Variants in CNTNAP2 observed in about 807,000 individuals in gnomAD.
CNTNAP2 encodes contactin-associated protein-like 2.
CNTNAP2 carries 98 observed loss-of-function variants against 155.2 expected under a neutral mutation model. That is an observed-to-expected ratio of 0.63 (90% CI 0.54 to 0.75). CNTNAP2 has a LOEUF of 0.75. CNTNAP2 is among the 30% of genes least tolerant of loss of function. CNTNAP2 has a pLI of 0.00. For missense variants in CNTNAP2, 1,727 were observed against 1,688.1 expected (o/e 1.02, Z -0.40); for synonymous variants, 651 against 631.2 (o/e 1.03, Z -0.47).
chr7:147,117,919 A>C (rs1037256368), intron 5 of CNTNAP2, among the ~76,000 whole-genome samples: 3 of 152,138 alleles, frequency 2.0e-5, no homozygotes, highest in African/African-American at 7.2e-5. Flanking sequence ...TACATAAAAT[A>C]TTATTTTTTA....
intron 5 of CNTNAP2, among the ~76,000 whole-genome samples, chr7:147,115,968 A>G (rs1390727): frequency 0.51 from 77,438 of 151,908 alleles, 20,643 homozygotes; most frequent in East Asian, 0.66. Context: ...CAATGTTTGA[A>G]GTTGCTGATT....
At chr7:147,007,118 G>A (rs894106684) in intron 3 of CNTNAP2, among the ~76,000 whole-genome samples, 1 of 151,992 alleles carries the variant, frequency 6.6e-6, no homozygotes, top group Non-Finnish European at 1.5e-5. Context: ...CCCACTCATG[G>A]GTGTGTTTTT....
intron 13 of CNTNAP2, among the ~76,000 whole-genome samples, chr7:147,760,633 C>G (rs574325449): frequency 6.6e-6 from 1 of 152,290 alleles, no homozygotes; most frequent in South Asian, 2.1e-4. Flanking sequence ...CCTTCTGCTC[C>G]TTAGAATGAC....
intron 15 of CNTNAP2, among the ~76,000 whole-genome samples, chr7:148,023,920 T>C (rs1488610772): frequency 6.6e-6 from 1 of 152,076 alleles, no homozygotes; most frequent in Non-Finnish European, 1.5e-5. Context: ...GCATTTGTGG[T>C]GAAGAAGGGA....
intron 1 of CNTNAP2, among the ~76,000 whole-genome samples, chr7:146,629,702 A>G (rs1003662642): frequency 6.6e-6 from 1 of 152,148 alleles, no homozygotes; most frequent in East Asian, 1.9e-4. Context: ...TTTAAAAAAC[A>G]ATTTTCTTCT....
chr7:146,610,928 A>T (rs757969264), intron 1 of CNTNAP2, among the ~76,000 whole-genome samples: 29 of 152,334 alleles, frequency 1.9e-4, no homozygotes, highest in Non-Finnish European at 3.5e-4. Context: ...AGAAGAAAGT[A>T]TATGAATGCA....
intron 13 of CNTNAP2, among the ~76,000 whole-genome samples, chr7:147,837,337 C>T (rs556416011): frequency 5.9e-5 from 9 of 152,214 alleles, no homozygotes; most frequent in Non-Finnish European, 1.2e-4. Context: ...TATCATGAGA[C>T]TAGCACAGGA....
chr7:147,034,722 G>C (rs1799114305), intron 3 of CNTNAP2, among the ~76,000 whole-genome samples: 1 of 152,068 alleles, frequency 6.6e-6, no homozygotes, highest in African/African-American at 2.4e-5. Context: ...GGAGTGGGAA[G>C]CTGGTCCTCC....
At chr7:147,366,027 A>G (rs953953967) in intron 9 of CNTNAP2, among the ~76,000 whole-genome samples, 7 of 152,166 alleles carry the variant, frequency 4.6e-5, no homozygotes, top group Admixed American at 1.3e-4. Context: ...TTTGAAGTCT[A>G]TGGTGAAGGT....
At chr7:146,256,797 A>G (rs530240691) in intron 1 of CNTNAP2, among the ~76,000 whole-genome samples, 1 of 152,154 alleles carries the variant, frequency 6.6e-6, no homozygotes, top group Non-Finnish European at 1.5e-5. Flanking sequence ...GGAAAAAAAA[A>G]CATGAGATTT....
intron 1 of CNTNAP2, among the ~76,000 whole-genome samples, chr7:146,604,049 C>T (rs1336876029): frequency 7.7e-5 from 8 of 103,564 alleles, no homozygotes; most frequent in Admixed American, 7.6e-4. Flanking sequence ...AAAGCAATGG[C>T]AACAAAAGCC....
At chr7:148,286,000 C>T (rs1330413145) in intron 21 of CNTNAP2, among the ~76,000 whole-genome samples, 1 of 151,922 alleles carries the variant, frequency 6.6e-6, no homozygotes, top group East Asian at 1.9e-4. Flanking sequence ...ATAAATTAAG[C>T]TAGAGAAAAG....
chr7:148,035,970 C>T (rs545539219), intron 15 of CNTNAP2, among the ~76,000 whole-genome samples: 33 of 152,314 alleles, frequency 2.2e-4, no homozygotes, highest in Non-Finnish European at 3.8e-4. Context: ...TTGGACTTAC[C>T]TGAGACCAGC....
At chr7:147,266,816 A>G (rs903937176) in intron 8 of CNTNAP2, among the ~76,000 whole-genome samples, 8 of 152,232 alleles carry the variant, frequency 5.3e-5, no homozygotes, top group Admixed American at 5.2e-4. Flanking sequence ...GCTTTATTTA[A>G]GTTTCCAACT....
At chr7:147,833,461 G>A (rs777035458) in intron 13 of CNTNAP2, among the ~76,000 whole-genome samples, 4 of 152,110 alleles carry the variant, frequency 2.6e-5, no homozygotes, top group Non-Finnish European at 4.4e-5. Context: ...AGGAAGAAGG[G>A]ATCTGATGTG....
intron 3 of CNTNAP2, among the ~76,000 whole-genome samples, chr7:146,856,739 C>A (rs1191464997): frequency 6.6e-6 from 1 of 151,970 alleles, no homozygotes; most frequent in Non-Finnish European, 1.5e-5. Context: ...CATGTAGTGT[C>A]CCATGAAGAA....
chr7:146,246,487 G>A (rs571068513), intron 1 of CNTNAP2, among the ~76,000 whole-genome samples: 2 of 150,276 alleles, frequency 1.3e-5, no homozygotes, highest in African/African-American at 5.0e-5. Flanking sequence ...CAGTTATGGA[G>A]GCAAGGGAAA....
chr7:147,198,336 A>G (rs1382847126), intron 8 of CNTNAP2, among the ~76,000 whole-genome samples: 1 of 148,912 alleles, frequency 6.7e-6, no homozygotes, highest in African/African-American at 2.5e-5. Flanking sequence ...GGTTCCAGCA[A>G]TTTTCCTGCC....
intron 21 of CNTNAP2, among the ~76,000 whole-genome samples, chr7:148,322,421 A>G (rs1451127376): frequency 6.6e-6 from 1 of 152,204 alleles, no homozygotes; most frequent in African/African-American, 2.4e-5. Flanking sequence ...AAGCTACCAA[A>G]TTTTTGTTAT....
Sources: gnomAD v4.1 joint callset for allele counts (sites outside exome capture counted in the v4.1 genomes callset) on GRCh38, gnomAD v4.1.1 for gene constraint, MANE v1.5 for transcripts, NCBI Gene and HGNC (gene_info 2026-07-23, HGNC 2026-07-21) for gene names.